The following THSD7B variants were observed in gnomAD, a reference collection of about 807,000 sequenced individuals.
The protein encoded by THSD7B is thrombospondin type-1 domain-containing protein 7B.
A neutral mutation model predicts 213.6 loss-of-function variants in THSD7B; 138 were observed. The ratio of observed to expected loss-of-function variants is 0.65; its 90% CI spans 0.56 to 0.74. The LOEUF is 0.74. Ranked by LOEUF, THSD7B falls within the 30% of genes least tolerant of loss-of-function variation. The pLI is 0.00. For missense variants in THSD7B, 1,931 were observed against 1,991.5 expected (o/e 0.97, Z 0.58); for synonymous variants, 742 against 687.0 (o/e 1.08, Z -1.25).
At chr2:137,500,424 A>G (rs1156983104) in intron 15 of THSD7B, among the ~76,000 whole-genome samples, 1 of 152,208 alleles carries the variant, frequency 6.6e-6, no homozygotes, top group East Asian at 1.9e-4. Context: ...CTGTCATTGC[A>G]GTTTAACATG....
At chr2:137,364,142 A>T (rs952422013) in intron 12 of THSD7B, among the ~76,000 whole-genome samples, 1 of 152,256 alleles carries the variant, frequency 6.6e-6, no homozygotes, top group Non-Finnish European at 1.5e-5. Flanking sequence ...GACAAAAGCC[A>T]CATGATTATC....
intron 5 of THSD7B, among the ~76,000 whole-genome samples, chr2:137,133,995 T>C (rs1052534544): frequency 1.3e-5 from 2 of 152,210 alleles, no homozygotes; most frequent in African/African-American, 2.4e-5. Context: ...TCTCAGAACC[T>C]GGAAATAACA....
intron 5 of THSD7B, among the ~76,000 whole-genome samples, chr2:137,151,340 T>C (rs752325073): frequency 6.6e-6 from 1 of 152,116 alleles, no homozygotes; most frequent in Non-Finnish European, 1.5e-5. Flanking sequence ...ACTTTTAAAC[T>C]TCTTTGTTAA....
chr2:137,144,519 T>C (rs1679653644), intron 5 of THSD7B, among the ~76,000 whole-genome samples: 1 of 152,020 alleles, frequency 6.6e-6, no homozygotes, highest in African/African-American at 2.4e-5. Context: ...CATAGGGGAA[T>C]TTAACTTAAT....
chr2:137,114,002 T>G (rs1217731426), intron 4 of THSD7B, among the ~76,000 whole-genome samples: 1 of 152,194 alleles, frequency 6.6e-6, no homozygotes, highest in African/African-American at 2.4e-5. Context: ...ACATTCATTG[T>G]TAGGGATTTG....
chr2:137,229,621 G>T (rs1452178282), intron 7 of THSD7B, among the ~76,000 whole-genome samples: 2 of 152,096 alleles, frequency 1.3e-5, no homozygotes, highest in Non-Finnish European at 1.5e-5. Context: ...GACTTCCTCA[G>T]AAAAAGAATA....
At chr2:137,068,441 C>T (rs1687419749) in intron 3 of THSD7B, among the ~76,000 whole-genome samples, 1 of 152,026 alleles carries the variant, frequency 6.6e-6, no homozygotes, top group Non-Finnish European at 1.5e-5. Flanking sequence ...CTGTAACTTT[C>T]ATTGCCAAAA....
intron 2 of THSD7B, among the ~76,000 whole-genome samples, chr2:136,960,896 T>C (rs1380331705): frequency 2.6e-5 from 4 of 151,762 alleles, no homozygotes; most frequent in Admixed American, 6.6e-5. Context: ...AAGACCATCC[T>C]GGCTAATACG....
rs79015468 is a variant in THSD7B, at chr2:137,504,429, G to A, written c.3138+53406G>A. Among the ~76,000 whole-genome samples, 1,133 of 152,220 alleles carry A rather than the reference G, an allele frequency of 7.4e-3. 9 individuals are homozygous for A. Among genetic ancestry groups the A allele is most frequent in the Middle Eastern group, 0.038 (11 of 292 alleles). Reference sequence around the variant, plus strand: ...TCATGCCATGCTGCTGAAAATGTTGGTGTTGGATTATTCTGCTCCCATCTA... The same window carrying A: ...TCATGCCATGCTGCTGAAAATGTTGATGTTGGATTATTCTGCTCCCATCTA... On this transcript the variant is annotated intron_variant, in intron 15 of 27. Transcript: ENST00000409968.
chr2:137,570,701 T>C (rs918258457), intron 16 of THSD7B, among the ~76,000 whole-genome samples: 1 of 152,176 alleles, frequency 6.6e-6, no homozygotes, highest in African/African-American at 2.4e-5. Flanking sequence ...GCAAATGGCA[T>C]GATTTATTTC....
chr2:137,184,084 A>G (rs1680506105), intron 7 of THSD7B, among the ~76,000 whole-genome samples: 1 of 152,164 alleles, frequency 6.6e-6, no homozygotes, highest in African/African-American at 2.4e-5. Context: ...TGCAAGCTGG[A>G]AATCCAAGAT....
chr2:137,153,593 A>G (rs1281556466), intron 5 of THSD7B, among the ~76,000 whole-genome samples: 1 of 152,164 alleles, frequency 6.6e-6, no homozygotes, highest in Non-Finnish European at 1.5e-5. Context: ...AAGTTAAAAG[A>G]CTGATTCATT....
chr2:137,669,400 A>G (rs1352880333), intron 27 of THSD7B, among the ~76,000 whole-genome samples: 1 of 130,808 alleles, frequency 7.6e-6, no homozygotes, highest in Non-Finnish European at 1.6e-5. Flanking sequence ...GTTGTAGTGA[A>G]AAGTTCATCT....
chr2:136,829,225 A>C (rs144258044), intron 1 of THSD7B, among the ~76,000 whole-genome samples: 1 of 151,630 alleles, frequency 6.6e-6, no homozygotes, highest in Non-Finnish European at 1.5e-5. Context: ...TTTTGAGCAC[A>C]TAGTAGGTTT....
chr2:137,346,370 T>C (rs948767667), intron 12 of THSD7B, among the ~76,000 whole-genome samples: 2 of 151,676 alleles, frequency 1.3e-5, no homozygotes, highest in African/African-American at 4.8e-5. Flanking sequence ...TCCCTTAGCA[T>C]GATGTCCGCC....
At chr2:137,554,403 T>G (rs1236354355) in intron 15 of THSD7B, among the ~76,000 whole-genome samples, 1 of 152,154 alleles carries the variant, frequency 6.6e-6, no homozygotes, top group East Asian at 1.9e-4. Flanking sequence ...ACAGTTCAAG[T>G]GTAACTTTGG....
At position 136,890,517 on chromosome 2, in the gene THSD7B, T is replaced by TTTC. The variant is rs1173405632; in HGVS notation, c.139+8224_139+8226dup. On this transcript the variant is annotated intron_variant, in intron 2 of 27. Coordinates refer to ENST00000409968, the MANE Select transcript of THSD7B (RefSeq NM_001316349.2). ...CCTTTCTTCTCCTTTCTTCTTCTTCTTTCTTCTTCTTCTTCTTCTTCTTCT... is the reference window on the plus strand; with the variant it reads ...CCTTTCTTCTCCTTTCTTCTTCTTCTTTCTTCTTCTTCTTCTTCTTCTTCTTCT... Among the ~76,000 whole-genome samples, 3 of 59,030 alleles carry TTTC rather than the reference T, an allele frequency of 5.1e-5. 1 individual carries two copies. The highest frequency in any genetic ancestry group is 1.5e-4 in the African/African-American group (2 of 13,718). The allele number at this position is 59,030 out of a possible 152,430, so 38.7% of individuals were successfully genotyped here. A position where few individuals can be genotyped will look rare whatever the true frequency, so the allele number is the denominator to read the frequency against.
At chr2:137,310,785 T>C (rs1683881740) in intron 12 of THSD7B, among the ~76,000 whole-genome samples, 1 of 152,020 alleles carries the variant, frequency 6.6e-6, no homozygotes, top group South Asian at 2.1e-4. Context: ...TGCTTGTTTT[T>C]CTCAGGTTTG....
At chr2:136,882,374 T>G in intron 2 of THSD7B, 57 bp downstream of exon 2, 1 of 1,376,932 alleles carries the variant, frequency 7.3e-7, no homozygotes, top group Non-Finnish European at 9.5e-7. Context: ...AGAATATTCT[T>G]TCCATCCTTC....
Sources: allele counts gnomAD v4.1 joint callset (sites outside exome capture counted in the v4.1 genomes callset), GRCh38; gene constraint gnomAD v4.1.1; transcripts MANE v1.5; gene names NCBI Gene and HGNC (gene_info 2026-07-23, HGNC 2026-07-21).